The following CREBBP variants were observed in gnomAD, a reference collection of about 807,000 sequenced individuals.
CREBBP encodes the protein CREB-binding protein.
A neutral mutation model predicts 265.0 loss-of-function variants in CREBBP; 19 were observed. That is an observed-to-expected ratio of 0.07 (90% CI 0.05 to 0.11). The LOEUF is 0.11. CREBBP is among the 10% of genes least tolerant of loss of function. The probability of loss-of-function intolerance (pLI) is 1.00; values close to 1 mark genes in which losing one functional copy is unlikely to be tolerated. For synonymous variants in CREBBP, 1,457 were observed against 1,223.7 expected (o/e 1.19, Z -3.98); for missense variants, 2,525 against 3,219.0 (o/e 0.78, Z 5.22).
At chr16:3,737,065 A>C in intron 26 of CREBBP, 1 of 568,436 alleles carries the variant, frequency 1.8e-6, no homozygotes, top group Non-Finnish European at 3.2e-6. Flanking sequence ...GAGGCTGCAA[A>C]AGAAACCTGA....
chr16:3,846,775 C>T (rs1317172800), intron 2 of CREBBP, among the ~76,000 whole-genome samples: 1 of 152,170 alleles, frequency 6.6e-6, no homozygotes, highest in Non-Finnish European at 1.5e-5. Context: ...CATACCCACA[C>T]CCCTCTCTCT....
At chr16:3,836,150 T>C (rs2054444930) in intron 2 of CREBBP, among the ~76,000 whole-genome samples, 1 of 151,512 alleles carries the variant, frequency 6.6e-6, no homozygotes. Context: ...TTACAGAAAT[T>C]AGCAGCTGGG....
At chr16:3,815,202 C>T (rs1281554989) in intron 2 of CREBBP, among the ~76,000 whole-genome samples, 2 of 152,138 alleles carry the variant, frequency 1.3e-5, no homozygotes, top group Non-Finnish European at 2.9e-5. Flanking sequence ...ATGTCTAACG[C>T]TAATTAATGA....
At chr16:3,849,417 GTGTGTGTGTGTGTGTGT>G (rs2054742027) in intron 2 of CREBBP, among the ~76,000 whole-genome samples, 25 of 7,112 alleles carry the variant, frequency 3.5e-3, no homozygotes, top group Admixed American at 0.012. Flanking sequence ...GTGTGTGTGT[GTGTGTGTGTGTGTGTGT>G]GTGTGTGTGT....
intron 11 of CREBBP, 143 bp downstream of exon 11, chr16:3,777,470 G>A: frequency 1.2e-6 from 1 of 860,522 alleles, no homozygotes; most frequent in South Asian, 1.4e-5. Context: ...ACTACCTGTA[G>A]AACTGAATTC....
chr16:3,836,778 TAAC>T (rs965665241), intron 2 of CREBBP, among the ~76,000 whole-genome samples: 17 of 152,196 alleles, frequency 1.1e-4, no homozygotes, highest in African/African-American at 3.4e-4. Flanking sequence ...ATGTGTTGCA[TAAC>T]AACATTTCAG....
At chr16:3,845,684 A>C (rs947968506) in intron 2 of CREBBP, among the ~76,000 whole-genome samples, 1 of 151,962 alleles carries the variant, frequency 6.6e-6, no homozygotes, top group Non-Finnish European at 1.5e-5. Context: ...TCAGGAGTTC[A>C]GGACCAGCCT....
intron 2 of CREBBP, among the ~76,000 whole-genome samples, chr16:3,823,340 C>T (rs960649179): frequency 2.6e-5 from 4 of 152,176 alleles, no homozygotes; most frequent in African/African-American, 7.2e-5. Context: ...CTGAATAAAA[C>T]TAGGTAGATC....
rs973498997 is a variant in CREBBP, at chr16:3,726,865, G to A, written c.*853C>T. The A allele has an allele frequency of 8.6e-6, 2 of 233,442 alleles. No individual in the cohort carries two copies. The highest frequency in any genetic ancestry group is 1.1e-4 in the Admixed American group (2 of 17,778). The allele number at this position is 233,442 out of a possible 1,614,324, so 14.5% of individuals were successfully genotyped here. A position where few individuals can be genotyped will look rare whatever the true frequency, so the allele number is the denominator to read the frequency against. ...TTTAACAATATGATATAAGAAATGA[G>A]TTGGTATTTTACCATTCTATACAGT... is the stretch of plus-strand genomic sequence containing the variant. On this transcript the variant is annotated 3_prime_UTR_variant, in exon 31 of 31. Transcript: ENST00000262367.
At chr16:3,745,857 A>C (rs1451123514) in intron 21 of CREBBP, among the ~76,000 whole-genome samples, 1 of 152,248 alleles carries the variant, frequency 6.6e-6, no homozygotes, top group African/African-American at 2.4e-5. Context: ...GCACAAAAAC[A>C]CCAGTTCTGA....
At chr16:3,842,908 G>C (rs1179494732) in intron 2 of CREBBP, among the ~76,000 whole-genome samples, 3 of 137,124 alleles carry the variant, frequency 2.2e-5, no homozygotes, top group Non-Finnish European at 4.6e-5. Flanking sequence ...AGGGGTTGCA[G>C]TGAGCTGAGA....
In CREBBP at chr16:3,756,401, C is replaced by T. The variant is rs961529711; in HGVS notation, c.3698+887G>A. ...GATAAGCTGACTTCTCAAACAACTC[C>T]AAAACTACGCAAGCTGTATTTTGTG... On this transcript the variant is annotated intron_variant, in intron 19 of 30. Coordinates refer to ENST00000262367, the MANE Select transcript of CREBBP (RefSeq NM_004380.3). 2.6e-5 allele frequency among the ~76,000 whole-genome samples: 4 copies of T among 152,350 alleles called. 1 individual carries two copies. The highest frequency in any genetic ancestry group is 9.6e-5 in the African/African-American group (4 of 41,584).
intron 3 of CREBBP, among the ~76,000 whole-genome samples, chr16:3,797,950 T>C (rs2053640171): frequency 6.6e-6 from 1 of 152,134 alleles, no homozygotes; most frequent in Non-Finnish European, 1.5e-5. Context: ...GCAAATGCTC[T>C]CAGGAAAGAA....
At chr16:3,844,105 G>A (rs534898292) in intron 2 of CREBBP, among the ~76,000 whole-genome samples, 113 of 122,464 alleles carry the variant, frequency 9.2e-4, no homozygotes, top group Non-Finnish European at 1.3e-3. Context: ...CCGAGATCCC[G>A]CCACTGCACT....
chr16:3,836,747 GTT>G (rs1313575452), intron 2 of CREBBP, among the ~76,000 whole-genome samples: 1 of 152,134 alleles, frequency 6.6e-6, no homozygotes, highest in East Asian at 1.9e-4. Flanking sequence ...GAAGATAATG[GTT>G]TTTCGTACAA....
rs544349484 is a variant in CREBBP, at chr16:3,726,078, G to T, written c.*1640C>A. 1.8e-4 allele frequency: 42 copies of T among 233,224 alleles called. No homozygotes were observed. The highest frequency in any genetic ancestry group is 3.1e-4 in the Non-Finnish European group (37 of 118,068). 14.4% of individuals were successfully genotyped at this position (233,224 alleles called of 1,614,324 possible). ...CCCGAAGTGGGGGACCTTTCTCACT[G>T]TAACAGGGACCGGAGCTGGTGCTCC... On this transcript the variant is annotated 3_prime_UTR_variant, in exon 31 of 31. Transcript: ENST00000262367.
rs1172379576 is a variant in CREBBP at position 3,796,423 on chromosome 16, A to G, written c.976-2797T>C. On this transcript the variant is annotated intron_variant, in intron 3 of 30. Transcript: ENST00000262367. ...TTTTTTGAGACGGGAGTCTCACTCT[A>G]TCGCCTAAGCTGGAGTGCAGTGGCG... Among the ~76,000 whole-genome samples, 4 of 145,366 alleles carry G rather than the reference A, an allele frequency of 2.8e-5. No homozygotes were observed. The South Asian group carries it at 6.5e-4, about 24-fold the overall frequency.
chr16:3,855,010 C>T (rs1018596075), intron 1 of CREBBP, among the ~76,000 whole-genome samples: 1 of 152,204 alleles, frequency 6.6e-6, no homozygotes, highest in African/African-American at 2.4e-5. Flanking sequence ...TCACAGTATG[C>T]ATGTGCAACT....
rs753688125 is a variant in CREBBP at position 3,727,893 on chromosome 16, G to C, written c.7154C>G (p.Pro2385Arg). The C allele has an allele frequency of 6.2e-7, 1 of 1,613,322 alleles. No individual in the cohort carries two copies. Among genetic ancestry groups the C allele is most frequent in the Non-Finnish European group, 8.5e-7 (1 of 1,179,480 alleles). The change falls in exon 31 of 31, where the codon CCC (proline) becomes CGC (arginine). Residue 2385 changes from proline (P) to arginine (R), a missense_variant. Coordinates refer to ENST00000262367, the MANE Select transcript of CREBBP (RefSeq NM_004380.3). ...HVSPQTGSPH[P>R]GLAVTMASSI... Reference sequence around the variant, plus strand: ...GCTGGCCATGGTGACTGCGAGTCCGGGGTGGGGGGAACCAGTCTGGGGTGA... The same window carrying C: ...GCTGGCCATGGTGACTGCGAGTCCGCGGTGGGGGGAACCAGTCTGGGGTGA...
Sources: gnomAD v4.1 joint callset for allele counts (sites outside exome capture counted in the v4.1 genomes callset) on GRCh38, gnomAD v4.1.1 for gene constraint, MANE v1.5 for transcripts, NCBI Gene and HGNC (gene_info 2026-07-23, HGNC 2026-07-21) for gene names.